STK3: variants seen among roughly 807,000 people sequenced by gnomAD.
STK3 encodes serine/threonine kinase 3, also known as serine/threonine-protein kinase 3.
STK3 carries 41 observed loss-of-function variants against 58.0 expected under a neutral mutation model. The ratio of observed to expected loss-of-function variants is 0.71; its 90% CI spans 0.55 to 0.92. The LOEUF (loss-of-function observed/expected upper bound fraction) is 0.92, where lower values mean the gene tolerates loss of function less well. Among genes scored for constraint, STK3 ranks in the 40% least tolerant of loss-of-function variants. The pLI is 0.00. For missense variants in STK3, 479 were observed against 602.7 expected (o/e 0.79, Z 2.15); for synonymous variants, 170 against 191.0 (o/e 0.89, Z 0.91).
intron 7 of STK3, among the ~76,000 whole-genome samples, chr8:98,582,606 G>A (rs1007873656): frequency 3.3e-5 from 5 of 151,830 alleles, no homozygotes; most frequent in Non-Finnish European, 7.4e-5. Flanking sequence ...AGTTATCTCA[G>A]CACCATTTTT....
intron 1 of STK3, among the ~76,000 whole-genome samples, chr8:98,926,208 G>T (rs1236392055): frequency 6.6e-6 from 1 of 152,166 alleles, no homozygotes; most frequent in African/African-American, 2.4e-5. Context: ...GTTGGGGGGA[G>T]AGCAGCTGGA....
At chr8:98,864,320 A>G (rs1237909010) in intron 3 of STK3, among the ~76,000 whole-genome samples, 1 of 152,082 alleles carries the variant, frequency 6.6e-6, no homozygotes, top group Non-Finnish European at 1.5e-5. Flanking sequence ...TCAGCAATCA[A>G]CTTGTAAACC....
chr8:98,452,538 T>C (rs986052935), downstream of STK3, among the ~76,000 whole-genome samples: 1 of 152,212 alleles, frequency 6.6e-6, no homozygotes, highest in Non-Finnish European at 1.5e-5. Context: ...ACAATGATAC[T>C]AGCTTTTCAG....
intron 10 of STK3, among the ~76,000 whole-genome samples, chr8:98,492,004 A>G (rs1031496043): frequency 5.3e-5 from 8 of 152,200 alleles, no homozygotes; most frequent in African/African-American, 1.9e-4. Context: ...TCTAAAATAG[A>G]ACTACTAATA....
intron 6 of STK3, chr8:98,597,437 A>G (rs1815927198): frequency 3.0e-6 from 3 of 985,122 alleles, no homozygotes; most frequent in Non-Finnish European, 3.6e-6. Flanking sequence ...CATCTATGAT[A>G]GTCTTTCAAA....
intron 9 of STK3, among the ~76,000 whole-genome samples, chr8:98,546,882 C>A (rs916242693): frequency 3.3e-5 from 5 of 152,124 alleles, no homozygotes; most frequent in Admixed American, 3.3e-4. Flanking sequence ...ATCCAAAGTA[C>A]ATATGCAACC....
chr8:98,937,761 T>A (rs769999425), intron 1 of STK3, among the ~76,000 whole-genome samples: 7 of 152,250 alleles, frequency 4.6e-5, no homozygotes, highest in Non-Finnish European at 1.0e-4. Flanking sequence ...GTATTAGCCC[T>A]CCAGGGGAAT....
intron 6 of STK3, among the ~76,000 whole-genome samples, chr8:98,605,433 CT>C (rs1008693603): frequency 0.042 from 5,617 of 132,842 alleles, 114 homozygotes; most frequent in Non-Finnish European, 0.063. Context: ...GCAAGCACAC[CT>C]TTTTTTTTTT....
chr8:98,913,785 A>G (rs1839238159), intron 1 of STK3, among the ~76,000 whole-genome samples: 1 of 152,268 alleles, frequency 6.6e-6, no homozygotes, highest in African/African-American at 2.4e-5. Context: ...GAAGTCCAGG[A>G]GTGAGAACAG....
At chr8:98,766,110 T>C (rs964793361) in intron 3 of STK3, among the ~76,000 whole-genome samples, 6 of 152,198 alleles carry the variant, frequency 3.9e-5, no homozygotes, top group Admixed American at 3.9e-4. Context: ...CATTCCAGAT[T>C]TCCTGGCTCC....
chr8:98,938,986 C>A (rs1840294421), intron 1 of STK3, among the ~76,000 whole-genome samples: 1 of 152,114 alleles, frequency 6.6e-6, no homozygotes, highest in Admixed American at 6.5e-5. Context: ...TGAAAGAAGG[C>A]ACCCGCACTT....
chr8:98,838,157 C>A (rs554912950), intron 3 of STK3, among the ~76,000 whole-genome samples: 4 of 151,026 alleles, frequency 2.6e-5, no homozygotes, highest in East Asian at 3.9e-4. Flanking sequence ...GCAGAAGAAT[C>A]GCTTGAACCC....
At chr8:98,676,603 A>G (rs1587263528) in intron 6 of STK3, among the ~76,000 whole-genome samples, 1 of 152,112 alleles carries the variant, frequency 6.6e-6, no homozygotes, top group East Asian at 1.9e-4. Context: ...ACAAGAGTGA[A>G]ACTCTATCTT....
chr8:98,777,406 T>TACA (rs1831768632), intron 1 of STK3, among the ~76,000 whole-genome samples: 1 of 151,816 alleles, frequency 6.6e-6, no homozygotes, highest in African/African-American at 2.4e-5. Context: ...CACATGCCTG[T>TACA]GGTCCCAGCT....
chr8:98,504,470 G>T (rs1211973508), intron 10 of STK3, among the ~76,000 whole-genome samples: 1 of 152,194 alleles, frequency 6.6e-6, no homozygotes, highest in Non-Finnish European at 1.5e-5. Context: ...AGTTGATGCA[G>T]TTTCTTCCTA....
At chr8:98,631,059 C>A (rs1265680164) in intron 6 of STK3, among the ~76,000 whole-genome samples, 1 of 152,018 alleles carries the variant, frequency 6.6e-6, no homozygotes, top group Non-Finnish European at 1.5e-5. Context: ...TCAGAAAATA[C>A]AAATATCCAG....
intron 3 of STK3, among the ~76,000 whole-genome samples, chr8:98,861,957 G>T (rs1256656094): frequency 6.6e-6 from 1 of 152,202 alleles, no homozygotes; most frequent in Admixed American, 6.5e-5. Context: ...TTGTTACAGA[G>T]ATTTAATTGG....
Position 98,455,893 on chromosome 8 carries a change from C to T in STK3, c.1425G>A (p.Gln475=). The T allele has an allele frequency of 6.2e-7, 1 of 1,613,760 alleles. No homozygotes were observed. Among genetic ancestry groups the T allele is most frequent in the Non-Finnish European group, 8.5e-7 (1 of 1,179,834 alleles). Residue 475 remains glutamine, a synonymous_variant, in exon 11 of 11, where the codon CAG becomes CAA. Coordinates refer to ENST00000419617, the MANE Select transcript of STK3 (RefSeq NM_006281.4). ...TTGCATCCATCGCATCCAGAATGGG[C>T]TGTCTTTTCGCAGTGTATCTCTGAC... ...ELRQRYTAKR[Q]PILDAMDAKK...
intron 1 of STK3, among the ~76,000 whole-genome samples, chr8:98,898,986 G>A (rs1264408958): frequency 6.6e-6 from 1 of 152,212 alleles, no homozygotes; most frequent in African/African-American, 2.4e-5. Context: ...TCCAGAATGG[G>A]TTGGAGTGTG....
Sources: gnomAD v4.1 joint callset for allele counts (sites outside exome capture counted in the v4.1 genomes callset) on GRCh38, gnomAD v4.1.1 for gene constraint, MANE v1.5 for transcripts, NCBI Gene and HGNC (gene_info 2026-07-23, HGNC 2026-07-21) for gene names.